Variants in SYN3 observed in about 807,000 individuals in gnomAD.
SYN3 encodes the protein synapsin-3.
Under a neutral mutation model 65.8 loss-of-function variants are expected in SYN3, and 35 were observed. That is an observed-to-expected ratio of 0.53 (90% CI 0.41 to 0.70). The LOEUF is 0.70. SYN3 is among the 30% of genes least tolerant of loss of function. The pLI is 0.00. For missense variants in SYN3, 680 were observed against 749.0 expected, an observed-to-expected ratio of 0.91 and a Z score of 1.08; for synonymous variants, 270 against 292.9, an observed-to-expected ratio of 0.92 and a Z score of 0.80.
chr22:32,874,468 T>C (rs1401725389), intron 4 of SYN3, among the ~76,000 whole-genome samples: 1 of 152,230 alleles, frequency 6.6e-6, no homozygotes, highest in Non-Finnish European at 1.5e-5. Flanking sequence ...GATTACTGAA[T>C]GCTTCTGGCA....
At chr22:32,940,885 A>C (rs1318085513) in intron 3 of SYN3, among the ~76,000 whole-genome samples, 1 of 152,214 alleles carries the variant, frequency 6.6e-6, no homozygotes, top group African/African-American at 2.4e-5. Context: ...TAACCTACTG[A>C]TCAGAAAAAA....
chr22:32,726,516 A>G (rs543107079), intron 6 of SYN3, among the ~76,000 whole-genome samples: 1 of 152,324 alleles, frequency 6.6e-6, no homozygotes, highest in African/African-American at 2.4e-5. Flanking sequence ...TGTCATGCCC[A>G]CAAAATGTGG....
Position 32,537,847 on chromosome 22 carries a change from G to A in SYN3, c.992+189C>T, listed in dbSNP as rs909717065. ...TTTTCTTCTCCCATCTGTAAAATGG[G>A]GTTATTTTAATACCTGCCCTGTAGG... On this transcript the variant is annotated intron_variant, in intron 9 of 13. Coordinates refer to ENST00000358763, the MANE Select transcript of SYN3 (RefSeq NM_003490.4). Among the ~76,000 whole-genome samples, 4 of 152,138 alleles carry A rather than the reference G, an allele frequency of 2.6e-5. No homozygotes were observed. The South Asian group carries it at 8.3e-4, about 32-fold the overall frequency.
intron 6 of SYN3, among the ~76,000 whole-genome samples, chr22:32,606,520 A>G (rs1042174943): frequency 5.9e-5 from 9 of 152,322 alleles, no homozygotes; most frequent in African/African-American, 1.9e-4. Flanking sequence ...AATCTACCAA[A>G]TGCCATTTAG....
chr22:32,797,088 T>C (rs577046888), intron 6 of SYN3, among the ~76,000 whole-genome samples: 2 of 152,182 alleles, frequency 1.3e-5, no homozygotes, highest in Admixed American at 1.3e-4. Flanking sequence ...AGTGTGGAAT[T>C]GTGCTCTCCC....
intron 7 of SYN3, among the ~76,000 whole-genome samples, chr22:32,594,764 A>C (rs1176266896): frequency 6.6e-6 from 1 of 152,120 alleles, no homozygotes; most frequent in African/African-American, 2.4e-5. Flanking sequence ...CTGGGATTAT[A>C]GGCGTGAGCC....
At chr22:32,628,008 T>G (rs2059693828) in intron 6 of SYN3, among the ~76,000 whole-genome samples, 1 of 152,152 alleles carries the variant, frequency 6.6e-6, no homozygotes, top group Admixed American at 6.6e-5. Flanking sequence ...TTTTGTATTT[T>G]TAGTAGAGAC....
At chr22:33,019,756 A>G (rs1393136428) in intron 1 of SYN3, among the ~76,000 whole-genome samples, 4 of 152,054 alleles carry the variant, frequency 2.6e-5, no homozygotes, top group Non-Finnish European at 5.9e-5. Flanking sequence ...AGTAGCTGGG[A>G]CTACAGGCAC....
At chr22:32,532,075 A>G (rs1455067828) in intron 10 of SYN3, among the ~76,000 whole-genome samples, 1 of 152,206 alleles carries the variant, frequency 6.6e-6, no homozygotes, top group African/African-American at 2.4e-5. Flanking sequence ...TGCTGGTGCA[A>G]GGGAGGAGCT....
intron 7 of SYN3, among the ~76,000 whole-genome samples, chr22:32,596,076 C>G (rs747555080): frequency 2.2e-4 from 34 of 152,020 alleles, no homozygotes; most frequent in Non-Finnish European, 3.7e-4. Context: ...GGCTCTGTCT[C>G]AAAAACAAAA....
At chr22:32,965,839 C>T (rs992810192) in intron 3 of SYN3, among the ~76,000 whole-genome samples, 11 of 152,060 alleles carry the variant, frequency 7.2e-5, no homozygotes, top group African/African-American at 1.7e-4. Flanking sequence ...GGACTACAGG[C>T]GCCCGCCACC....
At chr22:32,936,900 T>A (rs1395058226) in intron 3 of SYN3, among the ~76,000 whole-genome samples, 2 of 152,222 alleles carry the variant, frequency 1.3e-5, no homozygotes, top group Admixed American at 1.3e-4. Context: ...CAAACTAGAA[T>A]AATCAATCAC....
chr22:32,996,519 G>T (rs1456621901), intron 2 of SYN3, among the ~76,000 whole-genome samples: 1 of 152,154 alleles, frequency 6.6e-6, no homozygotes, highest in African/African-American at 2.4e-5. Flanking sequence ...GAGACAGTGA[G>T]TGGCTGGGAC....
intron 6 of SYN3, among the ~76,000 whole-genome samples, chr22:32,715,677 G>T (rs112145014): frequency 4.0e-5 from 6 of 151,822 alleles, no homozygotes; most frequent in African/African-American, 1.2e-4. Flanking sequence ...TTACTCGGGA[G>T]GCTGAGGCAG....
intron 3 of SYN3, among the ~76,000 whole-genome samples, chr22:32,975,104 C>T (rs1470642764): frequency 6.6e-6 from 1 of 152,124 alleles, no homozygotes; most frequent in Non-Finnish European, 1.5e-5. Flanking sequence ...CAGCTGGGTG[C>T]GGTGGCTCAT....
chr22:32,645,916 TG>T (rs918086366), intron 6 of SYN3, among the ~76,000 whole-genome samples: 2 of 137,360 alleles, frequency 1.5e-5, no homozygotes, highest in Admixed American at 7.2e-5. Flanking sequence ...TGGGGTGGGG[TG>T]GGGAGCTGTA....
intron 1 of SYN3, among the ~76,000 whole-genome samples, chr22:33,024,119 G>A (rs751865601): frequency 1.3e-5 from 2 of 152,070 alleles, no homozygotes; most frequent in African/African-American, 2.4e-5. Flanking sequence ...CTCTTTTGTG[G>A]CATGACTAGG....
At chr22:32,562,736 AAGC>A (rs1244325283) in intron 7 of SYN3, among the ~76,000 whole-genome samples, 2 of 152,262 alleles carry the variant, frequency 1.3e-5, no homozygotes, top group African/African-American at 2.4e-5. Context: ...CAAGCAAACA[AAGC>A]AGATGCTTGG....
At chr22:32,587,242 A>AAAG (rs1555902497) in intron 7 of SYN3, among the ~76,000 whole-genome samples, 12 of 130,498 alleles carry the variant, frequency 9.2e-5, no homozygotes, top group African/African-American at 3.5e-4. Context: ...AAAAAAAAAA[A>AAAG]AGAGAGAGAG....
Sources: gnomAD v4.1 joint callset for allele counts (sites outside exome capture counted in the v4.1 genomes callset) on GRCh38, gnomAD v4.1.1 for gene constraint, MANE v1.5 for transcripts, NCBI Gene and HGNC (gene_info 2026-07-23, HGNC 2026-07-21) for gene names.